The following AFF3 variants were observed in gnomAD, a reference collection of about 807,000 sequenced individuals.
AFF3 encodes the protein ALF transcription elongation factor 3, also known as AF4/FMR2 family member 3.
AFF3 carries 32 observed loss-of-function variants against 129.7 expected under a neutral mutation model. The ratio of observed to expected loss-of-function variants is 0.25; its 90% confidence interval spans 0.19 to 0.33. AFF3 has a LOEUF of 0.33. AFF3 is among the 10% of genes least tolerant of loss of function. The pLI is 1.00. For missense variants in AFF3, 1,373 were observed against 1,592.0 expected (o/e 0.86, Z 2.34); for synonymous variants, 644 against 635.4 (o/e 1.01, Z -0.20).
chr2:99,863,726 A>C (rs1462156529), intron 7 of AFF3, among the ~76,000 whole-genome samples: 1 of 152,220 alleles, frequency 6.6e-6, no homozygotes, highest in Non-Finnish European at 1.5e-5. Flanking sequence ...GCAAGAATGC[A>C]TGAGTCAGCT....
intron 4 of AFF3, among the ~76,000 whole-genome samples, chr2:100,091,333 C>G (rs118153066): frequency 6.6e-6 from 1 of 152,328 alleles, no homozygotes; most frequent in East Asian, 1.9e-4. Flanking sequence ...CAAGGAAAAT[C>G]TGCCATCAAA....
chr2:100,019,970 G>C (rs141674409), intron 4 of AFF3, among the ~76,000 whole-genome samples: 23 of 152,222 alleles, frequency 1.5e-4, no homozygotes, highest in African/African-American at 5.3e-4. Context: ...AAATAAACCT[G>C]GTCAAGGCCT....
intron 7 of AFF3, among the ~76,000 whole-genome samples, chr2:99,956,121 C>CT (rs548304397): frequency 0.076 from 10,824 of 142,090 alleles, 924 homozygotes; most frequent in African/African-American, 0.21. Context: ...CTCATTTAGT[C>CT]TTTTTTTTTT....
At chr2:99,949,675 A>G (rs1192518555) in intron 7 of AFF3, among the ~76,000 whole-genome samples, 1 of 152,142 alleles carries the variant, frequency 6.6e-6, no homozygotes. Flanking sequence ...TCATGCTTCT[A>G]TAAGAATCTA....
At chr2:99,929,622 A>G (rs1393312202) in intron 7 of AFF3, among the ~76,000 whole-genome samples, 3 of 152,206 alleles carry the variant, frequency 2.0e-5, no homozygotes, top group Non-Finnish European at 4.4e-5. Context: ...TTTTTACCAA[A>G]AAATGTCCTC....
At chr2:99,969,894 A>G (rs945439450) in intron 7 of AFF3, among the ~76,000 whole-genome samples, 1 of 152,188 alleles carries the variant, frequency 6.6e-6, no homozygotes, top group African/African-American at 2.4e-5. Context: ...ATCTTTTATA[A>G]TTAGAACTTA....
At chr2:100,127,351 TG>T (rs1287130723) in intron 2 of AFF3, among the ~76,000 whole-genome samples, 2 of 152,148 alleles carry the variant, frequency 1.3e-5, no homozygotes, top group Non-Finnish European at 2.9e-5. Context: ...TGCTGTGATG[TG>T]GGTGGGGGTG....
intron 18 of AFF3, among the ~76,000 whole-genome samples, chr2:99,571,438 C>T (rs1194505683): frequency 6.6e-6 from 1 of 152,138 alleles, no homozygotes; most frequent in East Asian, 1.9e-4. Flanking sequence ...GCTCACAATT[C>T]CTAATATAAG....
chr2:99,574,406 G>T (rs1399728541), intron 18 of AFF3, among the ~76,000 whole-genome samples: 2 of 152,180 alleles, frequency 1.3e-5, no homozygotes, highest in East Asian at 3.8e-4. Context: ...ACTGGTGCCT[G>T]TTTACAGGCA....
chr2:99,876,813 C>A (rs1692334901), intron 7 of AFF3, among the ~76,000 whole-genome samples: 1 of 152,128 alleles, frequency 6.6e-6, no homozygotes, highest in Non-Finnish European at 1.5e-5. Flanking sequence ...AATATAAAGA[C>A]TTCTCCTACC....
At chr2:99,666,367 T>C (rs1439774734) in intron 12 of AFF3, among the ~76,000 whole-genome samples, 1 of 152,170 alleles carries the variant, frequency 6.6e-6, no homozygotes, top group Non-Finnish European at 1.5e-5. Flanking sequence ...GTTATGTATA[T>C]ATAGTGTAAT....
At chr2:99,735,010 T>A (rs1438530804) in intron 10 of AFF3, among the ~76,000 whole-genome samples, 1 of 152,216 alleles carries the variant, frequency 6.6e-6, no homozygotes, top group Non-Finnish European at 1.5e-5. Context: ...TGTGGTGGAA[T>A]GATTTTTAAA....
chr2:99,699,546 T>C (rs1016446927), intron 11 of AFF3, among the ~76,000 whole-genome samples: 3 of 152,206 alleles, frequency 2.0e-5, no homozygotes, highest in African/African-American at 7.2e-5. Flanking sequence ...CTTCTAGGGA[T>C]AACGTAACTT....
chr2:99,880,997 C>T (rs558279640), intron 7 of AFF3, among the ~76,000 whole-genome samples: 56 of 152,144 alleles, frequency 3.7e-4, no homozygotes, highest in Non-Finnish European at 5.9e-4. Context: ...AGAGGCTACC[C>T]GCTATTCCAA....
chr2:99,860,262 C>T (rs572501112), intron 7 of AFF3, among the ~76,000 whole-genome samples: 10 of 151,824 alleles, frequency 6.6e-5, no homozygotes, highest in Non-Finnish European at 1.5e-4. Context: ...ACTAAAAATA[C>T]AAAAATTAGC....
chr2:99,697,532 T>A (rs150200312), intron 11 of AFF3, among the ~76,000 whole-genome samples: 2 of 152,368 alleles, frequency 1.3e-5, no homozygotes, highest in Non-Finnish European at 2.9e-5. Context: ...ACTAGGTTTC[T>A]GGACATACCT....
intron 1 of AFF3, among the ~76,000 whole-genome samples, chr2:100,137,923 A>G (rs1692700885): frequency 6.6e-6 from 1 of 152,168 alleles, no homozygotes; most frequent in African/African-American, 2.4e-5. Flanking sequence ...CTTGGTCTTC[A>G]TACTCCACTC....
At chr2:99,747,470 G>A (rs1317165816) in intron 9 of AFF3, among the ~76,000 whole-genome samples, 2 of 152,018 alleles carry the variant, frequency 1.3e-5, no homozygotes, top group South Asian at 2.1e-4. Flanking sequence ...ACAGGCACGC[G>A]CCGCCATGCC....
At chr2:99,868,824 G>A (rs767179635) in intron 7 of AFF3, among the ~76,000 whole-genome samples, 2 of 152,126 alleles carry the variant, frequency 1.3e-5, no homozygotes, top group Admixed American at 1.3e-4. Context: ...ATAGGGTCTC[G>A]CTCTGTCACC....
Sources: allele counts gnomAD v4.1 joint callset (sites outside exome capture counted in the v4.1 genomes callset), GRCh38; gene constraint gnomAD v4.1.1; transcripts MANE v1.5; gene names NCBI Gene and HGNC (gene_info 2026-07-23, HGNC 2026-07-21).